The following PID1 variants were observed in gnomAD, a reference collection of about 807,000 sequenced individuals.
PID1 encodes phosphotyrosine interaction domain containing 1.
A neutral mutation model predicts 19.1 loss-of-function variants in PID1; 10 were observed. The ratio of observed to expected loss-of-function variants is 0.52; its 90% CI spans 0.32 to 0.89. PID1 has a LOEUF of 0.89. PID1 is among the 40% of genes least tolerant of loss of function. PID1 has a pLI of 0.03. For missense variants in PID1, 248 were observed against 285.3 expected (o/e 0.87, Z 0.94); for synonymous variants, 130 against 116.0 (o/e 1.12, Z -0.78).
At chr2:229,140,489 A>G (rs1469737089) in intron 2 of PID1, among the ~76,000 whole-genome samples, 2 of 151,672 alleles carry the variant, frequency 1.3e-5, no homozygotes, top group Admixed American at 1.3e-4. Context: ...AAAAGAGTGC[A>G]CACACACACA....
intron 1 of PID1, among the ~76,000 whole-genome samples, chr2:229,166,087 G>A (rs1019138707): frequency 1.3e-5 from 2 of 152,144 alleles, no homozygotes; most frequent in Non-Finnish European, 1.5e-5. Context: ...CTCATCAAGC[G>A]AATGGACAAA....
Position 229,198,979 on chromosome 2 carries a change from C to T in PID1, c.31-43015G>A, listed in dbSNP as rs71415711. Among the ~76,000 whole-genome samples, 642 of 152,152 alleles carry T rather than the reference C, an allele frequency of 4.2e-3. 4 individuals carry two copies. The highest frequency in any genetic ancestry group is 7.7e-3 in the Admixed American group (118 of 15,276). ...CTTCCCATCACTCATGGGATAATAT[C>T]CCAAACTCCGTACCATGGCTAACAA... On this transcript the variant is annotated intron_variant, in intron 1 of 2. Transcript: ENST00000392055.
chr2:229,029,317 C>G (rs1184724915), intron 2 of PID1, among the ~76,000 whole-genome samples: 1 of 124,912 alleles, frequency 8.0e-6, no homozygotes, highest in East Asian at 2.2e-4. Flanking sequence ...TTTTTTGAAG[C>G]CAAAAAAAAA....
At chr2:229,071,019 T>A (rs1296855526) in intron 2 of PID1, among the ~76,000 whole-genome samples, 1 of 152,238 alleles carries the variant, frequency 6.6e-6, no homozygotes, top group Non-Finnish European at 1.5e-5. Flanking sequence ...ATATTTAGAT[T>A]ATATCCCATA....
intron 1 of PID1, among the ~76,000 whole-genome samples, chr2:229,250,867 C>G (rs1690132160): frequency 6.6e-6 from 1 of 152,168 alleles, no homozygotes; most frequent in Admixed American, 6.5e-5. Context: ...CGGCATTTAA[C>G]TGATTGAAAC....
chr2:229,107,599 T>C (rs761464198), intron 2 of PID1, among the ~76,000 whole-genome samples: 1 of 152,126 alleles, frequency 6.6e-6, no homozygotes, highest in Non-Finnish European at 1.5e-5. Flanking sequence ...AAAAGGTCCT[T>C]CAAAAGCCTA....
chr2:229,051,152 T>C (rs1326320951), intron 2 of PID1, among the ~76,000 whole-genome samples: 1 of 152,176 alleles, frequency 6.6e-6, no homozygotes, highest in Non-Finnish European at 1.5e-5. Flanking sequence ...TGTGAAGCCC[T>C]GTACCTTTCC....
chr2:229,202,807 T>G (rs2106242024), intron 1 of PID1, among the ~76,000 whole-genome samples: 1 of 152,244 alleles, frequency 6.6e-6, no homozygotes, highest in South Asian at 2.1e-4. Flanking sequence ...TTCATCACAC[T>G]GTCTGTGAAT....
At chr2:229,270,878 G>A (rs925848768) in intron 1 of PID1, 136 bp downstream of exon 1, 2 of 703,068 alleles carry the variant, frequency 2.8e-6, no homozygotes, top group East Asian at 3.2e-5. Flanking sequence ...TAAACCGACA[G>A]CATCATGTTG....
At chr2:229,123,660 T>C (rs1695566879) in intron 2 of PID1, among the ~76,000 whole-genome samples, 1 of 152,210 alleles carries the variant, frequency 6.6e-6, no homozygotes, top group Admixed American at 6.5e-5. Context: ...GGGGTTTCAC[T>C]TTCTACACAT....
intron 2 of PID1, among the ~76,000 whole-genome samples, chr2:229,100,297 T>A (rs73998546): frequency 2.6e-5 from 4 of 152,246 alleles, no homozygotes; most frequent in Non-Finnish European, 5.9e-5. Context: ...AATAGGATTG[T>A]AATAATTTAT....
At chr2:229,223,518 T>C (rs987629699) in intron 1 of PID1, among the ~76,000 whole-genome samples, 2 of 152,256 alleles carry the variant, frequency 1.3e-5, no homozygotes, top group Admixed American at 6.5e-5. Context: ...ATTCACCTTA[T>C]GGAAATCTAA....
intron 2 of PID1, among the ~76,000 whole-genome samples, chr2:229,042,161 T>C (rs989465630): frequency 3.9e-5 from 6 of 152,094 alleles, no homozygotes; most frequent in African/African-American, 1.4e-4. Flanking sequence ...AGACAATAAT[T>C]GTGTGTCTGT....
chr2:229,095,018 G>C (rs7587601), intron 2 of PID1, among the ~76,000 whole-genome samples: 2 of 151,812 alleles, frequency 1.3e-5, no homozygotes, highest in South Asian at 4.2e-4. Context: ...TTCTACATAC[G>C]AAGACAATAA....
intron 2 of PID1, among the ~76,000 whole-genome samples, chr2:229,055,068 A>G (rs913070157): frequency 2.0e-5 from 3 of 152,188 alleles, no homozygotes; most frequent in Non-Finnish European, 2.9e-5. Context: ...GGGACAAGAC[A>G]TGGTGACTGA....
chr2:229,111,643 T>C (rs1341387494), intron 2 of PID1, among the ~76,000 whole-genome samples: 2 of 152,186 alleles, frequency 1.3e-5, no homozygotes, highest in Admixed American at 1.3e-4. Flanking sequence ...TTTTTTTCTA[T>C]ACAAATTGAA....
chr2:229,174,297 A>G (rs1310322465), intron 1 of PID1, among the ~76,000 whole-genome samples: 2 of 152,206 alleles, frequency 1.3e-5, no homozygotes, highest in Non-Finnish European at 2.9e-5. Flanking sequence ...TCTCAATTCA[A>G]TTCAATAAGT....
intron 2 of PID1, among the ~76,000 whole-genome samples, chr2:229,114,111 C>CT (rs1405775822): frequency 1.5e-5 from 1 of 66,026 alleles, no homozygotes; most frequent in African/African-American, 6.2e-5. Flanking sequence ...ATCTCTCTCT[C>CT]TTTCTCTCTC....
rs576494192 is a variant in PID1 at position 229,265,800 on chromosome 2, A to T, written c.30+5214T>A. On this transcript the variant is annotated intron_variant, in intron 1 of 2. Coordinates refer to ENST00000392055, the MANE Select transcript of PID1 (RefSeq NM_001100818.2). ...TTCTCCCAGAGTCTCCTCCAAGGCT[A>T]ATTTTCATGGTAGAATGGGGTCAGT... Among the ~76,000 whole-genome samples, 3 of 152,264 alleles carry T rather than the reference A, an allele frequency of 2.0e-5. No homozygotes were observed. The South Asian group carries it at 6.2e-4, about 32-fold the overall frequency.
Sources: gnomAD v4.1 joint callset for allele counts (sites outside exome capture counted in the v4.1 genomes callset) on GRCh38, gnomAD v4.1.1 for gene constraint, MANE v1.5 for transcripts, NCBI Gene and HGNC (gene_info 2026-07-23, HGNC 2026-07-21) for gene names.